The following FBXO32 variants were observed in gnomAD, a reference collection of about 807,000 sequenced individuals.
FBXO32 encodes F-box protein 32, also known as F-box only protein 32.
Under a neutral mutation model 48.3 loss-of-function variants are expected in FBXO32, and 15 were observed. The ratio of observed to expected loss-of-function variants is 0.31; its 90% CI spans 0.21 to 0.48. FBXO32 has a LOEUF of 0.48. Among genes scored for constraint, FBXO32 ranks in the 20% least tolerant of loss-of-function variants. The pLI, the probability that FBXO32 is intolerant of heterozygous loss-of-function variation, is 0.99. For synonymous variants in FBXO32, 154 were observed against 165.9 expected, an observed-to-expected ratio of 0.93 and a Z score of 0.55; for missense variants, 309 against 432.7, an observed-to-expected ratio of 0.71 and a Z score of 2.54.
intron 2 of FBXO32, among the ~76,000 whole-genome samples, chr8:123,534,073 G>C (rs10113238): frequency 0.53 from 79,322 of 149,244 alleles, 22,043 homozygotes; most frequent in African/African-American, 0.7. Flanking sequence ...GCCTGGGTGA[G>C]AGAGCAAGAC....
Position 123,531,966 on chromosome 8 carries a change from C to A in FBXO32, c.304G>T (p.Glu102Ter). 6.2e-7 allele frequency: 1 copy of A among 1,614,102 alleles called. No individual in the cohort carries two copies. Among genetic ancestry groups the A allele is most frequent in the Non-Finnish European group, 8.5e-7 (1 of 1,180,002 alleles). The change falls in exon 4 of 9, where the codon GAA (glutamate) becomes TAA (stop). Residue 102 changes from glutamate (E) to a stop codon, truncating the protein, a stop_gained. Transcript: ENST00000517956. LOFTEE classifies it high-confidence loss of function. ...GAGAAGTCCAGTCTGTTGAAAGCTT[C>A]CCCCAGGGTGCAATATCCATGGCGC... Reference protein sequence around the residue: ...KERHGYCTLGEAFNRLDFSTA... With the variant: ...KERHGYCTLG
chr8:123,533,342 AAAGAT>A lies in FBXO32; in HGVS notation c.230-107_230-103del. On this transcript the variant is annotated intron_variant, in intron 2 of 8. Transcript: ENST00000517956. Reference sequence around the variant, plus strand: ...CCAAAGTTTTAAAAGTTTTGACAAAAAAGATAAGGAGTCTACTGACAACTGAAGAA... The same window carrying A: ...CCAAAGTTTTAAAAGTTTTGACAAAAAAGGAGTCTACTGACAACTGAAGAA... The A allele has an allele frequency of 6.2e-6, 6 of 960,576 alleles. 1 individual carries two copies. In the South Asian group the frequency reaches 9.0e-5, roughly 14 times the overall value. The allele number at this position is 960,576 out of a possible 1,614,324, so 59.5% of individuals were successfully genotyped here.
At chr8:123,531,830 A>G in intron 4 of FBXO32, 68 bp downstream of exon 4, 1 of 1,580,772 alleles carries the variant, frequency 6.3e-7, no homozygotes, top group African/African-American at 1.4e-5. Flanking sequence ...AACTACTTCA[A>G]GACAACCCAA....
chr8:123,541,092 G>A lies in FBXO32; in HGVS notation c.-78C>T. ...CGGGGACGTGCCACCCGGGGCGGAT[G>A]CTCGGGGTGCAGGGGCCCGCGACGG... On this transcript the variant is annotated 5_prime_UTR_variant, in exon 1 of 9. Coordinates refer to ENST00000517956, the MANE Select transcript of FBXO32 (RefSeq NM_058229.4). 2.1e-6 allele frequency: 2 copies of A among 962,494 alleles called. No individual in the cohort carries two copies. Among genetic ancestry groups the A allele is most frequent in the Non-Finnish European group, 2.9e-6 (2 of 689,440 alleles). The allele number at this position is 962,494 out of a possible 1,614,324, so 59.6% of individuals were successfully genotyped here.
At position 123,506,463 on chromosome 8, in the gene FBXO32, C is replaced by T. The variant is rs201466412; in HGVS notation, c.763G>A (p.Asp255Asn). Residue 255 changes from aspartate (D) to asparagine (N), a missense_variant, in exon 7 of 9, where the codon GAC (aspartate) becomes AAC (asparagine). Physicochemically the swap from Asp to Asn is conservative, Grantham distance 23. Transcript: ENST00000517956. This position sits in a 1 kb window ranked among gnomAD's most constrained non-coding sequence, Gnocchi z 4.0. ...DLVSLGQAAPDLHVLSEDRLL... is the reference protein window; with the variant it reads ...DLVSLGQAAPNLHVLSEDRLL... ...CGGTCTTCGCTGAGCACGTGCAGGT[C>T]GGGGGCAGCCTGGCCCAGGCTGACC... 8.0e-5 allele frequency: 129 copies of T among 1,614,054 alleles called. No individual in the cohort carries two copies. The highest frequency in any genetic ancestry group is 4.9e-4 in the East Asian group (22 of 44,866).
chr8:123,533,054 A>C (rs534449422), intron 3 of FBXO32, 137 bp downstream of exon 3: 1 of 651,056 alleles, frequency 1.5e-6, no homozygotes, highest in African/African-American at 1.8e-5. Flanking sequence ...GCTAAATAAT[A>C]GACTAATAGC....
intron 2 of FBXO32, 48 bp from the exon 3 acceptor site, chr8:123,533,288 A>C: frequency 2.8e-6 from 4 of 1,403,588 alleles, no homozygotes; most frequent in Non-Finnish European, 4.0e-6. Context: ...CAACATGCTC[A>C]AGATTTAAGA....
chr8:123,524,281 C>T (rs1041937596), intron 4 of FBXO32, among the ~76,000 whole-genome samples: 4 of 152,178 alleles, frequency 2.6e-5, no homozygotes, highest in African/African-American at 9.7e-5. Context: ...TGAGTGTCCC[C>T]CACTTCCGTG....
chr8:123,516,011 A>C (rs1022889188), intron 4 of FBXO32, among the ~76,000 whole-genome samples: 1 of 152,182 alleles, frequency 6.6e-6, no homozygotes, highest in Non-Finnish European at 1.5e-5. Flanking sequence ...AAAATAAAAA[A>C]CAAAGATCCT....
rs1006675606 is a variant in FBXO32 at position 123,540,557 on chromosome 8, C to A, written c.116+342G>T. Among the ~76,000 whole-genome samples the A allele has an allele frequency of 1.3e-5, 2 of 152,250 alleles. No homozygotes were observed. Among genetic ancestry groups the A allele is most frequent in the Non-Finnish European group, 2.9e-5 (2 of 68,046 alleles). ...TGGGCAAAGTGCGCGACTCCGGTGT[C>A]CTTAAAGCAGGGACCACTAAAGCTG... On this transcript the variant is annotated intron_variant, in intron 1 of 8. Transcript: ENST00000517956. This position sits in a 1 kb window ranked among gnomAD's most constrained non-coding sequence, Gnocchi z 6.4.
chr8:123,530,949 T>G (rs1463384990), intron 4 of FBXO32, among the ~76,000 whole-genome samples: 1 of 135,552 alleles, frequency 7.4e-6, no homozygotes, highest in Non-Finnish European at 1.6e-5. Context: ...CGGTTTAAAA[T>G]GGAAAGCAAC....
intron 4 of FBXO32, among the ~76,000 whole-genome samples, chr8:123,528,986 A>G (rs1425577661): frequency 6.6e-6 from 1 of 152,214 alleles, no homozygotes; most frequent in East Asian, 1.9e-4. Flanking sequence ...TGGTTTAAGG[A>G]TAAGAATGTA....
At position 123,506,360 on chromosome 8, in the gene FBXO32, G is replaced by A; in HGVS notation, c.834+32C>T. ...TTTGGGGTGAGGGCCAGAGAAGGAG[G>A]GTGGGAGGAAAGCCCACTGGGCCTT... On this transcript the variant is annotated intron_variant, in intron 7 of 8. Transcript: ENST00000517956. The surrounding 1 kb of genome is among the most constrained non-coding windows in gnomAD (Gnocchi z 4.0). 6.2e-7 allele frequency: 1 copy of A among 1,608,582 alleles called. No homozygotes were observed. Among genetic ancestry groups the A allele is most frequent in the Non-Finnish European group, 8.5e-7 (1 of 1,177,808 alleles).
chr8:123,540,936 C>A lies in FBXO32; in HGVS notation c.79G>T (p.Asp27Tyr). ...CTCACGAAACTGCCGCTCTTCTCAT[C>A]CAGGAAGCGCTTCCAGCCGTCGGCC... Reference protein sequence around the residue: ...KTADGWKRFLDEKSGSFVSDL... With the variant: ...KTADGWKRFLYEKSGSFVSDL... The change falls in exon 1 of 9, where the codon GAT becomes TAT. Residue 27 changes from aspartate (D) to tyrosine (Y), a missense_variant. Physicochemically the swap from Asp to Tyr is radical, Grantham distance 160. Transcript: ENST00000517956. This position sits in a 1 kb window ranked among gnomAD's most constrained non-coding sequence, Gnocchi z 6.4. The A allele has an allele frequency of 1.2e-6, 2 of 1,613,706 alleles. No homozygotes were observed. The highest frequency in any genetic ancestry group is 1.1e-5 in the South Asian group (1 of 91,080).
intron 4 of FBXO32, among the ~76,000 whole-genome samples, chr8:123,526,212 C>T (rs766473453): frequency 7.9e-5 from 12 of 151,654 alleles, no homozygotes; most frequent in Non-Finnish European, 1.3e-4. Context: ...CAACACCCTT[C>T]GATGATCTTT....
chr8:123,503,614 G>T, intron 8 of FBXO32, 152 bp from the exon 9 acceptor site: 1 of 607,864 alleles, frequency 1.6e-6, no homozygotes, highest in Non-Finnish European at 2.9e-6. Flanking sequence ...TGTGGGAGCT[G>T]TGAAAGTAGA....
rs927284809 is a variant in FBXO32, at chr8:123,525,062, C to T, written c.372+6836G>A. Among the ~76,000 whole-genome samples the T allele has an allele frequency of 6.6e-6, 1 of 152,250 alleles. No individual in the cohort carries two copies. Among genetic ancestry groups the T allele is most frequent in the African/African-American group, 2.4e-5 (1 of 41,462 alleles). ...TCAAGGCCCAGCAGGGGCTTGGCAA[C>T]AGCATGCCCTTAATTTAAGGCATTG... On this transcript the variant is annotated intron_variant, in intron 4 of 8. Coordinates refer to ENST00000517956, the MANE Select transcript of FBXO32 (RefSeq NM_058229.4). This position sits in a 1 kb window ranked among gnomAD's most constrained non-coding sequence, Gnocchi z 4.3.
At chr8:123,537,690 G>A (rs1817334986) in intron 1 of FBXO32, among the ~76,000 whole-genome samples, 1 of 152,134 alleles carries the variant, frequency 6.6e-6, no homozygotes, top group Admixed American at 6.5e-5. Context: ...GGAATGCTCT[G>A]GTGAAACAAA....
intron 4 of FBXO32, among the ~76,000 whole-genome samples, chr8:123,528,478 G>C (rs1817133646): frequency 6.6e-6 from 1 of 152,200 alleles, no homozygotes; most frequent in African/African-American, 2.4e-5. Context: ...CCTTCCACAA[G>C]TAGGTAAGTT....
Sources: gnomAD v4.1 joint callset for allele counts (sites outside exome capture counted in the v4.1 genomes callset) on GRCh38, gnomAD v4.1.1 for gene constraint, Gnocchi (gnomAD v3.1) non-coding constraint, MANE v1.5 for transcripts, NCBI Gene and HGNC (gene_info 2026-07-23, HGNC 2026-07-21) for gene names.